EHBP1: variants seen among roughly 807,000 people sequenced by gnomAD.
EHBP1 encodes the protein EH domain-binding protein 1.
Under a neutral mutation model 144.0 loss-of-function variants are expected in EHBP1, and 55 were observed. That is an observed-to-expected ratio of 0.38 (90% confidence interval 0.31 to 0.48). The LOEUF is 0.48. Among genes scored for constraint, EHBP1 ranks in the 20% least tolerant of loss-of-function variants. The probability of loss-of-function intolerance (pLI) is 0.98; values close to 1 mark genes in which losing one functional copy is unlikely to be tolerated. For missense variants in EHBP1, 1,200 were observed against 1,364.2 expected (o/e 0.88, Z 1.90); for synonymous variants, 469 against 472.7 (o/e 0.99, Z 0.10).
At chr2:63,020,339 A>G (rs559503546) in intron 19 of EHBP1, among the ~76,000 whole-genome samples, 154 of 150,272 alleles carry the variant, frequency 1.0e-3, no homozygotes, top group African/African-American at 3.4e-3. Flanking sequence ...AAAAAAAAAA[A>G]AAAAAAAGAA....
intron 14 of EHBP1, among the ~76,000 whole-genome samples, chr2:62,964,715 T>C (rs1360172677): frequency 6.6e-6 from 1 of 152,212 alleles, no homozygotes. Context: ...TCTTAGGTGG[T>C]CTTCATAATC....
At chr2:62,786,026 A>G (rs1468250484) in intron 5 of EHBP1, among the ~76,000 whole-genome samples, 2 of 152,126 alleles carry the variant, frequency 1.3e-5, no homozygotes, top group Admixed American at 6.5e-5. Context: ...TATGTAACCA[A>G]CTAAACATTG....
intron 13 of EHBP1, among the ~76,000 whole-genome samples, chr2:62,951,012 C>T (rs1188852904): frequency 1.3e-5 from 2 of 152,132 alleles, no homozygotes; most frequent in Non-Finnish European, 2.9e-5. Flanking sequence ...AGCATTTCTC[C>T]ACAACTGTCT....
chr2:62,814,270 G>A (rs975773003), intron 5 of EHBP1, among the ~76,000 whole-genome samples: 2 of 152,228 alleles, frequency 1.3e-5, no homozygotes, highest in Non-Finnish European at 2.9e-5. Context: ...ATAAAAGCAA[G>A]TTTGGTCCCT....
At chr2:62,924,114 G>A (rs2055313001) in intron 10 of EHBP1, among the ~76,000 whole-genome samples, 1 of 152,154 alleles carries the variant, frequency 6.6e-6, no homozygotes, top group South Asian at 2.1e-4. Flanking sequence ...GAGGAGCCAT[G>A]TACCAGCATA....
intron 1 of EHBP1, among the ~76,000 whole-genome samples, chr2:62,679,719 T>A (rs1358346652): frequency 6.6e-6 from 1 of 152,178 alleles, no homozygotes; most frequent in Non-Finnish European, 1.5e-5. Flanking sequence ...AAAACATTTT[T>A]AAAAAAATAA....
chr2:62,697,093 A>G (rs2034126803), intron 1 of EHBP1, among the ~76,000 whole-genome samples: 1 of 152,204 alleles, frequency 6.6e-6, no homozygotes, highest in African/African-American at 2.4e-5. Context: ...GGAATATGTT[A>G]ATCAGATTGT....
chr2:62,898,669 C>T (rs559345761), intron 10 of EHBP1, among the ~76,000 whole-genome samples: 3 of 152,048 alleles, frequency 2.0e-5, no homozygotes, highest in Admixed American at 2.0e-4. Context: ...TAGAGCCTAG[C>T]ATTGGTGCTT....
chr2:62,729,418 T>A (rs1558562571), intron 2 of EHBP1, among the ~76,000 whole-genome samples: 1 of 104,444 alleles, frequency 9.6e-6, no homozygotes, highest in Admixed American at 1.3e-4. Flanking sequence ...ATAATAATAA[T>A]AATATAATAT....
intron 10 of EHBP1, among the ~76,000 whole-genome samples, chr2:62,897,624 C>G (rs1202560341): frequency 1.3e-5 from 2 of 152,156 alleles, no homozygotes; most frequent in Non-Finnish European, 2.9e-5. Flanking sequence ...CTGAGCTCTG[C>G]CTACTCAGCA....
rs2034651835 is a variant in EHBP1 at position 62,706,949 on chromosome 2, T to C, written c.-243T>C. The C allele has an allele frequency of 2.2e-6, 1 of 454,954 alleles. No individual in the cohort carries two copies. The highest frequency in any genetic ancestry group is 4.0e-6 in the Non-Finnish European group (1 of 247,968). 28.2% of individuals were successfully genotyped at this position (454,954 alleles called of 1,614,324 possible). On this transcript the variant is annotated 5_prime_UTR_variant, in exon 2 of 23. An upstream start codon of the reference 5' UTR is lost. Coordinates refer to ENST00000431489, the MANE Select transcript of EHBP1 (RefSeq NM_001142616.3). The stretch of plus-strand genomic sequence containing the variant: ...CTGAGGTGGCATGGTGATGTCTCCA[T>C]GAGGGAACCCCTTCCCACTCATCCT...
intron 19 of EHBP1, among the ~76,000 whole-genome samples, chr2:63,010,251 T>A (rs1395091146): frequency 6.6e-6 from 1 of 151,432 alleles, no homozygotes; most frequent in African/African-American, 2.4e-5. Flanking sequence ...ATAAAAACAC[T>A]GAATCCAGAA....
rs1017982529 is a variant in EHBP1, at chr2:62,852,345, A to G, written c.635-6824A>G. ...TGTGGATAATAATACTTCTTTGGTTATTGATGAGAATTAGCTGATTGTGGA... is the reference window on the plus strand; with the variant it reads ...TGTGGATAATAATACTTCTTTGGTTGTTGATGAGAATTAGCTGATTGTGGA... On this transcript the variant is annotated intron_variant, in intron 7 of 22. Coordinates refer to ENST00000431489, the MANE Select transcript of EHBP1 (RefSeq NM_001142616.3). 7.2e-5 allele frequency among the ~76,000 whole-genome samples: 11 copies of G among 152,198 alleles called. No homozygotes were observed. The South Asian group carries it at 2.3e-3, about 32-fold the overall frequency.
At chr2:62,924,568 C>T (rs1048040700) in intron 10 of EHBP1, among the ~76,000 whole-genome samples, 8 of 152,100 alleles carry the variant, frequency 5.3e-5, no homozygotes, top group Non-Finnish European at 1.0e-4. Flanking sequence ...TTAGAGACAA[C>T]TATGAATGAC....
At chr2:62,954,362 T>C (rs1379187898) in intron 13 of EHBP1, among the ~76,000 whole-genome samples, 2 of 152,236 alleles carry the variant, frequency 1.3e-5, no homozygotes, top group African/African-American at 4.8e-5. Context: ...TTGTGTCCTA[T>C]TCAACATGAA....
At chr2:63,010,343 C>T (rs2060215850) in intron 19 of EHBP1, among the ~76,000 whole-genome samples, 1 of 151,312 alleles carries the variant, frequency 6.6e-6, no homozygotes, top group Admixed American at 6.6e-5. Context: ...TTAATCCATA[C>T]TCTTACATAG....
At chr2:62,751,568 C>G (rs1194809295) in intron 3 of EHBP1, among the ~76,000 whole-genome samples, 2 of 152,148 alleles carry the variant, frequency 1.3e-5, no homozygotes. Flanking sequence ...AGTACCAGCT[C>G]CTCCTTGTAC....
chr2:62,945,262 A>G (rs763618999), intron 12 of EHBP1, among the ~76,000 whole-genome samples: 14 of 152,152 alleles, frequency 9.2e-5, no homozygotes, highest in Non-Finnish European at 1.6e-4. Context: ...TCATAGGTGT[A>G]TTTTTCAGTA....
intron 5 of EHBP1, among the ~76,000 whole-genome samples, chr2:62,812,513 T>C (rs2045098331): frequency 6.6e-6 from 1 of 152,090 alleles, no homozygotes; most frequent in Admixed American, 6.5e-5. Flanking sequence ...CTAGCTCTTT[T>C]TAGAGGTTAT....
Sources: allele counts gnomAD v4.1 joint callset (sites outside exome capture counted in the v4.1 genomes callset), GRCh38; gene constraint gnomAD v4.1.1; transcripts MANE v1.5; gene names NCBI Gene and HGNC (gene_info 2026-07-23, HGNC 2026-07-21).